Variants in SAE1 observed in about 807,000 individuals in gnomAD.
SAE1 encodes SUMO1 activating enzyme subunit 1, also known as SUMO-activating enzyme subunit 1.
SAE1 carries 11 observed loss-of-function variants against 40.6 expected under a neutral mutation model. The ratio of observed to expected loss-of-function variants is 0.27; its 90% confidence interval spans 0.17 to 0.45. The LOEUF (loss-of-function observed/expected upper bound fraction) is 0.45. SAE1 is among the 20% of genes least tolerant of loss of function. SAE1 has a pLI of 1.00. For missense variants in SAE1, 373 were observed against 427.3 expected (o/e 0.87, Z 1.12); for synonymous variants, 155 against 154.3 (o/e 1.00, Z -0.03).
intron 6 of SAE1, among the ~76,000 whole-genome samples, chr19:47,182,596 G>A (rs2058516847): frequency 6.6e-6 from 1 of 151,998 alleles, no homozygotes; most frequent in Non-Finnish European, 1.5e-5. Flanking sequence ...ATGGAAACAG[G>A]AGAGGTGAGG....
chr19:47,145,290 C>T lies in SAE1; in HGVS notation c.210+1685C>T, dbSNP rs950847947. Among the ~76,000 whole-genome samples, 13 of 152,198 alleles carry T rather than the reference C, an allele frequency of 8.5e-5. 1 individual carries two copies. Among genetic ancestry groups the T allele is most frequent in the Admixed American group, 5.9e-4 (9 of 15,276 alleles). Reference sequence around the variant, plus strand: ...TGCTGGGATTGCAGGCGTGAGCCACCGCACCCGGCCATGCCTGGCTAAGTT... The same window carrying T: ...TGCTGGGATTGCAGGCGTGAGCCACTGCACCCGGCCATGCCTGGCTAAGTT... On this transcript the variant is annotated intron_variant, in intron 2 of 8. Transcript: ENST00000270225.
At chr19:47,151,576 G>A (rs1174149871) in intron 3 of SAE1, among the ~76,000 whole-genome samples, 1 of 151,928 alleles carries the variant, frequency 6.6e-6, no homozygotes, top group Non-Finnish European at 1.5e-5. Context: ...GGTTTAAGCA[G>A]TTTTCTGCCT....
intron 1 of SAE1, among the ~76,000 whole-genome samples, chr19:47,133,988 G>A (rs1291102810): frequency 1.3e-5 from 2 of 151,040 alleles, no homozygotes; most frequent in Non-Finnish European, 1.5e-5. Flanking sequence ...TCAGCCTCCC[G>A]AGTAGCTGGG....
chr19:47,199,852 G>A (rs1368239678), intron 7 of SAE1, among the ~76,000 whole-genome samples: 7 of 152,062 alleles, frequency 4.6e-5, no homozygotes, highest in African/African-American at 1.7e-4. Flanking sequence ...ATCCAAGCCT[G>A]TACAGTGTCA....
At chr19:47,134,618 G>A (rs1311218591) in intron 1 of SAE1, among the ~76,000 whole-genome samples, 1 of 152,162 alleles carries the variant, frequency 6.6e-6, no homozygotes, top group Non-Finnish European at 1.5e-5. Flanking sequence ...ATCCTAAAGG[G>A]TTGGGGAGGG....
chr19:47,182,441 T>C (rs1181396868), intron 6 of SAE1, among the ~76,000 whole-genome samples: 4 of 150,572 alleles, frequency 2.7e-5, no homozygotes, highest in Non-Finnish European at 3.0e-5. Context: ...AAAAATAATT[T>C]GTAAGGAAAA....
chr19:47,176,534 G>C (rs2058469687), intron 6 of SAE1, among the ~76,000 whole-genome samples: 1 of 152,172 alleles, frequency 6.6e-6, no homozygotes, highest in African/African-American at 2.4e-5. Context: ...CTATTGTAGA[G>C]GGAGAGTAGT....
At chr19:47,194,794 G>A (rs1249758632) in intron 6 of SAE1, among the ~76,000 whole-genome samples, 1 of 146,964 alleles carries the variant, frequency 6.8e-6, no homozygotes, top group African/African-American at 2.6e-5. Flanking sequence ...CTATCGCACA[G>A]GCAAAGTGCA....
chr19:47,140,232 G>A (rs1053751231), intron 1 of SAE1, among the ~76,000 whole-genome samples: 1 of 151,570 alleles, frequency 6.6e-6, no homozygotes, highest in African/African-American at 2.4e-5. Flanking sequence ...TTAGCCTCCC[G>A]AGTAGCTGGG....
At chr19:47,175,355 C>T (rs1413882895) in intron 6 of SAE1, among the ~76,000 whole-genome samples, 2 of 151,888 alleles carry the variant, frequency 1.3e-5, no homozygotes, top group South Asian at 2.1e-4. Context: ...TTGTGATTGC[C>T]GAAAGTCATA....
In SAE1 at chr19:47,144,496, G is replaced by A. The variant is rs183598863; in HGVS notation, c.210+891G>A. The stretch of plus-strand genomic sequence containing the variant: ...GGGCAGATCATGAGGTCAGGAGATC[G>A]AGACCATCCTGGCTAGCACGGTGAA... On this transcript the variant is annotated intron_variant, in intron 2 of 8. Coordinates refer to ENST00000270225, the MANE Select transcript of SAE1 (RefSeq NM_005500.3). Among the ~76,000 whole-genome samples, 164 of 151,968 alleles carry A rather than the reference G, an allele frequency of 1.1e-3. 2 individuals are homozygous for A. The South Asian group carries it at 0.019, about 18-fold the overall frequency.
chr19:47,171,403 C>G (rs1427078197), intron 6 of SAE1, among the ~76,000 whole-genome samples: 1 of 151,124 alleles, frequency 6.6e-6, no homozygotes, highest in Non-Finnish European at 1.5e-5. Context: ...AAGCAATTCT[C>G]CTGCCTCAGC....
intron 6 of SAE1, among the ~76,000 whole-genome samples, chr19:47,176,708 G>A (rs767565256): frequency 3.3e-5 from 5 of 152,194 alleles, no homozygotes; most frequent in Non-Finnish European, 7.3e-5. Context: ...GCATGTGCTT[G>A]CCATGTTTAG....
rs958403274 is a variant in SAE1, at chr19:47,149,163, CTTTTTTTTT to C, written c.211-1022_211-1014del. Among the ~76,000 whole-genome samples, 73 of 86,492 alleles carry C rather than the reference CTTTTTTTTT, an allele frequency of 8.4e-4. No individual in the cohort carries two copies. In the East Asian group the frequency reaches 0.019, roughly 23 times the overall value. The allele number at this position is 86,492 out of a possible 152,430, so 56.7% of individuals were successfully genotyped here. ...TACTGTGCCAGGCTGCACTGGTCTA[CTTTTTTTTT>C]TTTTTTTTTTTTTTTTGAGACGGAG... On this transcript the variant is annotated intron_variant, in intron 2 of 8. Coordinates refer to ENST00000270225, the MANE Select transcript of SAE1 (RefSeq NM_005500.3).
intron 6 of SAE1, among the ~76,000 whole-genome samples, chr19:47,182,188 A>G (rs999248177): frequency 3.3e-5 from 5 of 152,028 alleles, no homozygotes; most frequent in African/African-American, 1.2e-4. Context: ...TTGTCTTTGG[A>G]TGCCGGCTGG....
At chr19:47,199,101 G>A (rs2058635105) in intron 7 of SAE1, among the ~76,000 whole-genome samples, 3 of 150,866 alleles carry the variant, frequency 2.0e-5, no homozygotes, top group Non-Finnish European at 3.0e-5. Context: ...TACATATAGC[G>A]TAAGGCTGGG....
chr19:47,169,739 T>C, intron 5 of SAE1, 79 bp from the exon 6 acceptor site: 1 of 908,712 alleles, frequency 1.1e-6, no homozygotes, highest in Non-Finnish European at 1.8e-6. Context: ...GAGATTTTTC[T>C]GCAATAGAGA....
intron 3 of SAE1, among the ~76,000 whole-genome samples, chr19:47,150,594 T>C (rs2058282137): frequency 1.3e-5 from 2 of 152,200 alleles, no homozygotes; most frequent in South Asian, 4.1e-4. Flanking sequence ...TAGTTGTTGG[T>C]GACTTGCTGT....
intron 5 of SAE1, among the ~76,000 whole-genome samples, chr19:47,157,149 C>A (rs977358020): frequency 7.9e-5 from 12 of 152,142 alleles, no homozygotes; most frequent in African/African-American, 2.9e-4. Context: ...TTTTCTTTCT[C>A]ATTTTGTGTT....
Sources: gnomAD v4.1 joint callset for allele counts (sites outside exome capture counted in the v4.1 genomes callset) on GRCh38, gnomAD v4.1.1 for gene constraint, MANE v1.5 for transcripts, NCBI Gene and HGNC (gene_info 2026-07-23, HGNC 2026-07-21) for gene names.